Variants in LGSN observed in about 807,000 individuals in gnomAD.
LGSN encodes the protein lengsin.
LGSN carries 21 observed loss-of-function variants against 19.5 expected under a neutral mutation model. The ratio of observed to expected loss-of-function variants is 1.07; its 90% CI spans 0.76 to 1.55. LGSN has a LOEUF of 1.55. Among genes scored for constraint, LGSN ranks in the 40% most tolerant of loss-of-function variants. LGSN has a pLI of 0.00. For synonymous variants in LGSN, 257 were observed against 215.6 expected (o/e 1.19, Z -1.68); for missense variants, 673 against 608.5 (o/e 1.11, Z -1.12).
At chr6:63,554,008 A>T in the LGSN span, among the ~76,000 whole-genome samples, 2 of 152,218 alleles carry the variant, frequency 1.3e-5, no homozygotes, top group Non-Finnish European at 2.9e-5. Context: ...TCCAATTACC[A>T]GTCTAGAAAT....
At chr6:63,323,559 T>TACACACACACACACAC (rs58400159), upstream of LGSN, among the ~76,000 whole-genome samples, 1 of 132,762 alleles carries the variant, frequency 7.5e-6, no homozygotes, top group Non-Finnish European at 1.6e-5. Context: ...AAACCTCATA[T>TACACACACACACACAC]ACACACACAC....
At chr6:63,399,167 C>G in the LGSN span, among the ~76,000 whole-genome samples, 34 of 152,142 alleles carry the variant, frequency 2.2e-4, no homozygotes, top group Non-Finnish European at 4.4e-4. Context: ...TTTGGATGCA[C>G]AGATACTTAT....
chr6:63,498,783 G>A, the LGSN span, among the ~76,000 whole-genome samples: 2 of 152,008 alleles, frequency 1.3e-5, no homozygotes, highest in African/African-American at 4.8e-5. Context: ...ATTAATTGAG[G>A]AACTTTATGG....
At chr6:63,530,082 T>C in the LGSN span, among the ~76,000 whole-genome samples, 2 of 152,092 alleles carry the variant, frequency 1.3e-5, no homozygotes, top group Non-Finnish European at 2.9e-5. Context: ...ATAATAACAG[T>C]ATAGATTTCT....
At chr6:63,377,182 C>T in the LGSN span, among the ~76,000 whole-genome samples, 1 of 152,178 alleles carries the variant, frequency 6.6e-6, no homozygotes, top group African/African-American at 2.4e-5. Context: ...TAAACATTTG[C>T]CACTTAGTAT....
At chr6:63,530,504 C>T in the LGSN span, among the ~76,000 whole-genome samples, 2 of 152,110 alleles carry the variant, frequency 1.3e-5, no homozygotes, top group Admixed American at 6.5e-5. Flanking sequence ...TACAGTCACA[C>T]AGGCTATTTA....
the LGSN span, among the ~76,000 whole-genome samples, chr6:63,434,312 C>T: frequency 2.7e-5 from 4 of 150,516 alleles, no homozygotes; most frequent in Non-Finnish European, 4.4e-5. Context: ...TGGTGGTGGG[C>T]GCCTGTGATC....
the LGSN span, among the ~76,000 whole-genome samples, chr6:63,497,562 A>G: frequency 7.2e-5 from 11 of 152,086 alleles, no homozygotes; most frequent in African/African-American, 2.2e-4. Flanking sequence ...CACATAAAAT[A>G]AAAGAAAATA....
the LGSN span, chr6:63,571,369 G>A: frequency 6.6e-6 from 1 of 152,186 alleles, no homozygotes; most frequent in South Asian, 2.1e-4. Context: ...GGAAAACTGA[G>A]TTCTTAAAAA....
At chr6:63,562,444 C>G in the LGSN span, among the ~76,000 whole-genome samples, 1 of 152,194 alleles carries the variant, frequency 6.6e-6, no homozygotes, top group African/African-American at 2.4e-5. Context: ...AGTGATCCAA[C>G]TGTCTTGGCC....
At chr6:63,483,452 G>A in the LGSN span, among the ~76,000 whole-genome samples, 93 of 150,960 alleles carry the variant, frequency 6.2e-4, no homozygotes, top group African/African-American at 2.2e-3. Flanking sequence ...TGCAACCTCT[G>A]CTGCCCGGGT....
the LGSN span, among the ~76,000 whole-genome samples, chr6:63,477,886 A>C: frequency 1.3e-5 from 2 of 151,166 alleles, no homozygotes; most frequent in Admixed American, 6.6e-5. Context: ...GTTTTCTAGA[A>C]TCCAACAGTG....
chr6:63,554,761 T>G, the LGSN span, among the ~76,000 whole-genome samples: 1 of 152,206 alleles, frequency 6.6e-6, no homozygotes, highest in Admixed American at 6.5e-5. Flanking sequence ...CACTCTAGCC[T>G]GGGTGACAGA....
chr6:63,504,713 G>C, the LGSN span, among the ~76,000 whole-genome samples: 1 of 152,152 alleles, frequency 6.6e-6, no homozygotes, highest in Non-Finnish European at 1.5e-5. Flanking sequence ...CAAAGTGCTG[G>C]GATTACAGGT....
the LGSN span, among the ~76,000 whole-genome samples, chr6:63,448,713 TTTC>T: frequency 1.3e-5 from 2 of 152,180 alleles, no homozygotes; most frequent in African/African-American, 4.8e-5. Context: ...TTGTTTCTTT[TTTC>T]TTCTTTTTTT....
At chr6:63,553,324 C>T in the LGSN span, among the ~76,000 whole-genome samples, 1 of 152,144 alleles carries the variant, frequency 6.6e-6, no homozygotes, top group African/African-American at 2.4e-5. Flanking sequence ...ATGCTGTTAG[C>T]GACTCGGGTT....
chr6:63,520,746 T>A, the LGSN span, among the ~76,000 whole-genome samples: 1 of 152,178 alleles, frequency 6.6e-6, no homozygotes, highest in Non-Finnish European at 1.5e-5. Flanking sequence ...TTGTGTTTAT[T>A]ATTTCCTTGT....
At chr6:63,284,980 AT>A (rs542912842) in intron 3 of LGSN, among the ~76,000 whole-genome samples, 13 of 152,316 alleles carry the variant, frequency 8.5e-5, no homozygotes, top group African/African-American at 3.1e-4. Context: ...TTGATATTTA[AT>A]TAACACAACA....
In LGSN at chr6:63,314,170, A is replaced by C. The variant is rs140390753; in HGVS notation, c.30+5744T>G. Among the ~76,000 whole-genome samples the C allele has an allele frequency of 1.9e-3, 296 of 152,298 alleles. 1 individual carries two copies. The highest frequency in any genetic ancestry group is 5.6e-3 in the African/African-American group (231 of 41,566). ...CCCTAACACCTAATGCGATGATGTT[A>C]GGAGGTAGAGCCTTCGAGAGGTGAT... On this transcript the variant is annotated intron_variant, in intron 1 of 3. Coordinates refer to ENST00000370657, the MANE Select transcript of LGSN (RefSeq NM_016571.3).
Sources: gnomAD v4.1 joint callset for allele counts (sites outside exome capture counted in the v4.1 genomes callset) on GRCh38, gnomAD v4.1.1 for gene constraint, MANE v1.5 for transcripts, NCBI Gene and HGNC (gene_info 2026-07-23, HGNC 2026-07-21) for gene names.